BCL11A: variants seen among roughly 807,000 people sequenced by gnomAD.
BCL11A encodes B cell CLL/lymphoma 11A.
A neutral mutation model predicts 55.9 loss-of-function variants in BCL11A; 2 were observed. The observed-to-expected ratio is 0.04, with a 90% CI of 0.01 to 0.11. The LOEUF is 0.11. BCL11A is among the 10% of genes least tolerant of loss of function. BCL11A has a pLI of 1.00. For synonymous variants in BCL11A, 465 were observed against 473.4 expected (o/e 0.98, Z 0.23); for missense variants, 817 against 1,137.1 (o/e 0.72, Z 4.05).
chr2:60,535,427 C>T (rs1375709757), intron 2 of BCL11A: 1 of 152,142 alleles, frequency 6.6e-6, no homozygotes, highest in African/African-American at 2.4e-5. Context: ...CCCTTAAGAG[C>T]CAAACCTATC....
At chr2:60,533,404 C>G (rs1325204053) in intron 2 of BCL11A, 4 of 152,210 alleles carry the variant, frequency 2.6e-5, no homozygotes, top group African/African-American at 9.6e-5. Flanking sequence ...GATTTATACA[C>G]TGGCTTCCAT....
chr2:60,540,978 G>A (rs1558509391), intron 2 of BCL11A, among the ~76,000 whole-genome samples: 1 of 151,598 alleles, frequency 6.6e-6, no homozygotes, highest in Admixed American at 6.6e-5. Context: ...GTGTGTGTGT[G>A]TGTGTGTGTG....
intron 2 of BCL11A, among the ~76,000 whole-genome samples, chr2:60,531,746 T>C (rs1382798496): frequency 6.6e-6 from 1 of 152,008 alleles, no homozygotes; most frequent in Non-Finnish European, 1.5e-5. Flanking sequence ...CAAGGCAGGG[T>C]CCATAACGTC....
At chr2:60,485,281 C>A (rs1426495754) in intron 2 of BCL11A, among the ~76,000 whole-genome samples, 1 of 152,204 alleles carries the variant, frequency 6.6e-6, no homozygotes, top group Non-Finnish European at 1.5e-5. Flanking sequence ...ATAGCCCAGA[C>A]TGAACGGCAC....
rs759707600 is a variant in BCL11A at position 60,468,790 on chromosome 2, T to A, written c.429A>T (p.Ala143=). 6.2e-7 allele frequency: 1 copy of A among 1,607,688 alleles called. No individual in the cohort carries two copies. Among genetic ancestry groups the A allele is most frequent in the East Asian group, 2.2e-5 (1 of 44,800 alleles). The part of the protein sequence containing the change: ...HWRGLSSPRS[A]HGALIPTPGM... The stretch of plus-strand genomic sequence containing the variant: ...CAGGCGTGGGGATTAGAGCTCCATG[T>A]GCAGAACGAGGGGAGGAGAGGCCCC... The change falls in exon 3 of 4, where the codon GCA becomes GCT. Residue 143 remains alanine, a synonymous_variant. Coordinates refer to ENST00000642384, the MANE Select transcript of BCL11A (RefSeq NM_022893.4).
At chr2:60,509,484 C>G (rs768270525) in intron 2 of BCL11A, among the ~76,000 whole-genome samples, 1 of 152,192 alleles carries the variant, frequency 6.6e-6, no homozygotes, top group Non-Finnish European at 1.5e-5. Flanking sequence ...CCTGAGAAGT[C>G]CAGGAAAAGA....
Position 60,457,705 on chromosome 2 carries a change from C to CT in BCL11A, c.*2698dup. Reference sequence around the variant, plus strand: ...TTTTTTCCTTTTTTTTTCTTTCTTTCTTTTACTGCATATGAAGGTAAGATG... The same window carrying CT: ...TTTTTTCCTTTTTTTTTCTTTCTTTCTTTTTACTGCATATGAAGGTAAGATG... On this transcript the variant is annotated 3_prime_UTR_variant, in exon 4 of 4. Coordinates refer to ENST00000642384, the MANE Select transcript of BCL11A (RefSeq NM_022893.4). 1 of 799,026 alleles carries CT rather than the reference C, an allele frequency of 1.3e-6. No homozygotes were observed. The highest frequency in any genetic ancestry group is 1.4e-6 in the Non-Finnish European group (1 of 693,136). The allele number at this position is 799,026 out of a possible 1,614,324, so 49.5% of individuals were successfully genotyped here.
chr2:60,478,390 G>A (rs949650927), intron 2 of BCL11A, among the ~76,000 whole-genome samples: 17 of 152,310 alleles, frequency 1.1e-4, no homozygotes, highest in South Asian at 4.1e-4. Flanking sequence ...TCAGGGCCGC[G>A]GCAGAAACCT....
At chr2:60,488,977 C>A (rs1233007463) in intron 2 of BCL11A, among the ~76,000 whole-genome samples, 1 of 152,170 alleles carries the variant, frequency 6.6e-6, no homozygotes, top group East Asian at 1.9e-4. Flanking sequence ...TCAGGCTGGT[C>A]TCAAACTCCC....
chr2:60,501,640 G>A (rs1679287908), intron 2 of BCL11A, among the ~76,000 whole-genome samples: 1 of 151,554 alleles, frequency 6.6e-6, no homozygotes, highest in Admixed American at 6.6e-5. Context: ...CTGAGTAGCT[G>A]GGATTACAGG....
rs368895286 is a variant in BCL11A, at chr2:60,540,946, TTGTGTGTG to T, written c.385+5017_385+5024del. ...GATTTAAGAAATTACAGCACTGGTT[TTGTGTGTG>T]TGTGTGTGTGTGTGTGTGTGTGTGT... On this transcript the variant is annotated intron_variant, in intron 2 of 3. Coordinates refer to ENST00000642384, the MANE Select transcript of BCL11A (RefSeq NM_022893.4). 8.2e-3 allele frequency among the ~76,000 whole-genome samples: 1,152 copies of T among 140,308 alleles called. 8 individuals are homozygous for T. The highest frequency in any genetic ancestry group is 0.025 in the Middle Eastern group (7 of 280). The allele number at this position is 140,308 out of a possible 152,430, so 92.0% of individuals were successfully genotyped here.
rs553739069 is a variant in BCL11A, at chr2:60,512,017, T to C, written c.385+33954A>G. Among the ~76,000 whole-genome samples, 10 of 152,232 alleles carry C rather than the reference T, an allele frequency of 6.6e-5. No homozygotes were observed. In the South Asian group the frequency reaches 2.1e-3, roughly 32 times the overall value. On this transcript the variant is annotated intron_variant, in intron 2 of 3. Coordinates refer to ENST00000642384, the MANE Select transcript of BCL11A (RefSeq NM_022893.4). Reference sequence around the variant, plus strand: ...CGTAATACTTGCTCGGCCAAAGACATAGTAACGCTTCCCAGGAAATACAAG... The same window carrying C: ...CGTAATACTTGCTCGGCCAAAGACACAGTAACGCTTCCCAGGAAATACAAG...
intron 1 of BCL11A, among the ~76,000 whole-genome samples, chr2:60,549,153 A>G (rs1670281306): frequency 6.6e-6 from 1 of 152,234 alleles, no homozygotes; most frequent in African/African-American, 2.4e-5. Context: ...GAAATAGAAA[A>G]TAAAATGCTT....
downstream of BCL11A, among the ~76,000 whole-genome samples, chr2:60,454,044 A>AAG (rs137895462): frequency 2.7e-4 from 41 of 150,574 alleles, no homozygotes; most frequent in East Asian, 3.3e-3. Flanking sequence ...GAGAGAGAGA[A>AAG]AGAGAGAGAG....
intron 2 of BCL11A, among the ~76,000 whole-genome samples, chr2:60,501,060 A>G (rs989875207): frequency 3.9e-5 from 6 of 152,358 alleles, no homozygotes; most frequent in African/African-American, 1.4e-4. Flanking sequence ...TCAGCAACAG[A>G]GGTCTCCACA....
At chr2:60,483,090 C>A (rs568934455) in intron 2 of BCL11A, among the ~76,000 whole-genome samples, 2 of 152,322 alleles carry the variant, frequency 1.3e-5, no homozygotes, top group East Asian at 3.9e-4. Context: ...AAGAATCAGG[C>A]AGTGTGATTT....
chr2:60,514,485 C>A (rs1361184413), intron 2 of BCL11A, among the ~76,000 whole-genome samples: 1 of 143,772 alleles, frequency 7.0e-6, no homozygotes, highest in African/African-American at 2.6e-5. Context: ...GGTGAAACCC[C>A]ATCTCTACTT....
chr2:60,503,933 C>T (rs767781470), intron 2 of BCL11A, among the ~76,000 whole-genome samples: 2 of 152,036 alleles, frequency 1.3e-5, no homozygotes, highest in African/African-American at 2.4e-5. Flanking sequence ...AAAAAGAAAG[C>T]AAGAAATGCA....
intron 3 of BCL11A, among the ~76,000 whole-genome samples, chr2:60,467,108 G>A (rs1357075391): frequency 5.6e-5 from 8 of 143,612 alleles, no homozygotes; most frequent in Non-Finnish European, 1.1e-4. Flanking sequence ...GATGGTGGTG[G>A]TAGTGGTGGT....
Sources: allele counts gnomAD v4.1 joint callset (sites outside exome capture counted in the v4.1 genomes callset), GRCh38; gene constraint gnomAD v4.1.1; transcripts MANE v1.5; gene names NCBI Gene and HGNC (gene_info 2026-07-23, HGNC 2026-07-21).